CEACAM4: variants seen among roughly 807,000 people sequenced by gnomAD.
CEACAM4 encodes CEA cell adhesion molecule 4.
A neutral mutation model predicts 28.7 loss-of-function variants in CEACAM4; 30 were observed. That is an observed-to-expected ratio of 1.05 (90% CI 0.78 to 1.42). The LOEUF (loss-of-function observed/expected upper bound fraction) is 1.42. CEACAM4 is among the 40% of genes most tolerant of loss of function. The pLI, the probability that CEACAM4 is intolerant of heterozygous loss-of-function variation, is 0.00. For synonymous variants in CEACAM4, 143 were observed against 126.5 expected (o/e 1.13, Z -0.87); for missense variants, 330 against 308.2 (o/e 1.07, Z -0.53).
Position 41,621,661 on chromosome 19 carries a change from T to C in CEACAM4, c.532A>G (p.Arg178Gly), listed in dbSNP as rs782727091. 8.8e-6 allele frequency: 14 copies of C among 1,597,188 alleles called. 1 individual carries two copies. Among genetic ancestry groups the C allele is most frequent in the African/African-American group, 1.3e-5 (1 of 74,586 alleles). Residue 178 changes from arginine to glycine, a missense_variant, in exon 3 of 7, where the codon AGG becomes GGG. Transcript: ENST00000221954. ...AALVCFLLLSRTGRASIQRDL... is the reference protein window; with the variant it reads ...AALVCFLLLSGTGRASIQRDL... ...GAAAAGCTGCGGTACCTTCCAGTCC[T>C]GGAGAGAAGCAGAAAACACACCAGG...
At chr19:41,618,398 C>T (rs1385546910), downstream of CEACAM4, among the ~76,000 whole-genome samples, 2 of 152,226 alleles carry the variant, frequency 1.3e-5, no homozygotes, top group East Asian at 1.9e-4. Flanking sequence ...CTGAATTATG[C>T]GTCTGTATTA....
chr19:41,625,975 C>A lies in CEACAM4; in HGVS notation c.65-15G>T, dbSNP rs782801761. 1 of 1,594,630 alleles carries A rather than the reference C, an allele frequency of 6.3e-7. No homozygotes were observed. Among genetic ancestry groups the A allele is most frequent in the East Asian group, 2.2e-5 (1 of 44,764 alleles). On this transcript the variant is annotated splice_polypyrimidine_tract_variant and intron_variant, in intron 1 of 6. Coordinates refer to ENST00000221954, the MANE Select transcript of CEACAM4 (RefSeq NM_001817.4). ...TAAAAGTGAGGCTAGGAGGTGAAGACAGCATCAGTCAATACTGGGACCTAT... is the reference window on the plus strand; with the variant it reads ...TAAAAGTGAGGCTAGGAGGTGAAGAAAGCATCAGTCAATACTGGGACCTAT...
rs1126454 is a variant in CEACAM4 at position 41,625,940 on chromosome 19, G to C, written c.85C>G (p.His29Asp). 860,402 of 1,609,932 alleles carry C rather than the reference G, an allele frequency of 0.53. 235,223 individuals are homozygous for C. Among genetic ancestry groups the C allele is most frequent in the East Asian group, 0.89 (39,666 of 44,818 alleles). ...GTGAACTGGACAGTGGTGGGCGGGTGCCAGAAGGTTAAAAGTGAGGCTAGG... is the reference window on the plus strand; with the variant it reads ...GTGAACTGGACAGTGGTGGGCGGGTCCCAGAAGGTTAAAAGTGAGGCTAGG... The part of the protein sequence containing the change: ...LITASLLTFW[H>D]PPTTVQFTIE... Residue 29 changes from histidine to aspartate, a missense_variant, in exon 2 of 7, where the codon CAC (histidine) becomes GAC (aspartate). By Grantham distance (81) the His-to-Asp change is moderately conservative (BLOSUM62 -1). Transcript: ENST00000221954.
chr19:41,620,686 G>T, intron 3 of CEACAM4, 59 bp from the exon 4 acceptor site: 2 of 1,406,106 alleles, frequency 1.4e-6, no homozygotes, highest in Non-Finnish European at 2.0e-6. Context: ...TTTAGGGGCA[G>T]AATAAAGGAC....
At chr19:41,619,622 G>C (rs1321181302) in intron 6 of CEACAM4, 48 bp downstream of exon 6, 5 of 1,573,708 alleles carry the variant, frequency 3.2e-6, no homozygotes, top group Non-Finnish European at 2.6e-6. Context: ...GGCAGATCCT[G>C]GGTCCCCTGG....
Position 41,619,074 on chromosome 19 carries a change from C to A in CEACAM4, c.*256G>T, listed in dbSNP as rs1189303579. 3.8e-6 allele frequency: 2 copies of A among 528,704 alleles called. No individual in the cohort carries two copies. The highest frequency in any genetic ancestry group is 1.9e-5 in the African/African-American group (1 of 51,646). 32.8% of individuals were successfully genotyped at this position (528,704 alleles called of 1,614,324 possible). On this transcript the variant is annotated 3_prime_UTR_variant, in exon 7 of 7. Coordinates refer to ENST00000221954, the MANE Select transcript of CEACAM4 (RefSeq NM_001817.4). Reference sequence around the variant, plus strand: ...CTGGTGACCCCGGGTGGGCCACAGGCCCATTCACTTTCCTTGCAAGCCCCC... The same window carrying A: ...CTGGTGACCCCGGGTGGGCCACAGGACCATTCACTTTCCTTGCAAGCCCCC...
intron 2 of CEACAM4, among the ~76,000 whole-genome samples, chr19:41,623,411 C>T (rs1204471984): frequency 7.1e-6 from 1 of 140,250 alleles, no homozygotes; most frequent in Non-Finnish European, 1.5e-5. Flanking sequence ...TTCTGTCTTT[C>T]GAACTGCATT....
intron 2 of CEACAM4, among the ~76,000 whole-genome samples, chr19:41,625,202 C>G (rs1198557577): frequency 6.6e-6 from 1 of 152,212 alleles, no homozygotes; most frequent in Non-Finnish European, 1.5e-5. Context: ...CACACCCCAG[C>G]CCTGACACAG....
At chr19:41,618,184 G>A (rs2071035353), downstream of CEACAM4, among the ~76,000 whole-genome samples, 1 of 152,190 alleles carries the variant, frequency 6.6e-6, no homozygotes, top group Non-Finnish European at 1.5e-5. Flanking sequence ...CTGCAGGCGA[G>A]ATAGGGCTGT....
chr19:41,623,045 C>T (rs1555802323), intron 2 of CEACAM4, among the ~76,000 whole-genome samples: 1 of 152,190 alleles, frequency 6.6e-6, no homozygotes, highest in East Asian at 1.9e-4. Context: ...GAGATGGAAT[C>T]TCGCTCTGTT....
intron 2 of CEACAM4, among the ~76,000 whole-genome samples, chr19:41,624,425 G>A (rs138917207): frequency 1.3e-5 from 2 of 152,310 alleles, no homozygotes; most frequent in South Asian, 2.1e-4. Context: ...CAGAGATGCG[G>A]GGTGTGGACC....
rs111682463 is a variant in CEACAM4 at position 41,627,001 on chromosome 19, T to TG, written c.-39dup. 6.4e-3 allele frequency: 9,906 copies of TG among 1,556,722 alleles called. 466 individuals are homozygous for TG. The African/African-American group carries it at 0.11, about 18-fold the overall frequency. On this transcript the variant is annotated 5_prime_UTR_variant, in exon 1 of 7. Transcript: ENST00000221954. ...CTGCTTGTCCTCTGTGGAGAGGAGC[T>TG]GGGCTCCAGGAACGCTCTTGTCAGA...
chr19:41,622,849 TATATATAG>T lies in CEACAM4; in HGVS notation c.425-1089_425-1082del, dbSNP rs1240809588. On this transcript the variant is annotated intron_variant, in intron 2 of 6. Coordinates refer to ENST00000221954, the MANE Select transcript of CEACAM4 (RefSeq NM_001817.4). ...GTTTGATCTCTAGCATATATATACA[TATATATAG>T]ATAGATAGATAGATAGATAGATAGA... is the stretch of plus-strand genomic sequence containing the variant. Among the ~76,000 whole-genome samples, 870 of 111,276 alleles carry T rather than the reference TATATATAG, an allele frequency of 7.8e-3. 11 individuals carry two copies. Among genetic ancestry groups the T allele is most frequent in the African/African-American group, 0.037 (795 of 21,520 alleles). The allele number at this position is 111,276 out of a possible 152,430, so 73.0% of individuals were successfully genotyped here. A position where few individuals can be genotyped will look rare whatever the true frequency, so the allele number is the denominator to read the frequency against.
At position 41,626,902 on chromosome 19, in the gene CEACAM4, G is replaced by A. The variant is rs1555804435; in HGVS notation, c.62C>T (p.Thr21Ile). The change falls in exon 1 of 7, where the codon ACA becomes ATA. Residue 21 changes from threonine to isoleucine, a missense_variant and splice_region_variant. By Grantham distance (89) the Thr-to-Ile change is moderately conservative (BLOSUM62 -1). Transcript: ENST00000221954. The part of the protein sequence containing the change: ...GHRPWQGLLI[T>I]ASLLTFWHPP... ...CTCCCAGAGAGTCCTCCCCTCACCTGTGATCAGGAGCCCCTGCCAGGGCCT... is the reference window on the plus strand; with the variant it reads ...CTCCCAGAGAGTCCTCCCCTCACCTATGATCAGGAGCCCCTGCCAGGGCCT... 1.2e-6 allele frequency: 2 copies of A among 1,610,782 alleles called. No homozygotes were observed. The highest frequency in any genetic ancestry group is 1.1e-5 in the South Asian group (1 of 90,930).
Position 41,626,971 on chromosome 19 carries a change from G to C in CEACAM4, c.-8C>G. ...GGCTGAGGGGGGGCCCATGGTCTCT[G>C]CTGCCTGCTTGTCCTCTGTGGAGAG... On this transcript the variant is annotated 5_prime_UTR_variant, in exon 1 of 7. Coordinates refer to ENST00000221954, the MANE Select transcript of CEACAM4 (RefSeq NM_001817.4). 1 of 1,600,850 alleles carries C rather than the reference G, an allele frequency of 6.2e-7. No homozygotes were observed. The highest frequency in any genetic ancestry group is 8.5e-7 in the Non-Finnish European group (1 of 1,173,416).
downstream of CEACAM4, among the ~76,000 whole-genome samples, chr19:41,615,586 G>A (rs373100574): frequency 1.3e-5 from 2 of 152,076 alleles, no homozygotes; most frequent in East Asian, 3.8e-4. Context: ...GCAGTTTCAT[G>A]TGCTCAGAGT....
At chr19:41,618,759 G>A (rs1299826666), downstream of CEACAM4, among the ~76,000 whole-genome samples, 4 of 152,198 alleles carry the variant, frequency 2.6e-5, no homozygotes, top group East Asian at 7.7e-4. Context: ...GGCTGGGGCT[G>A]TGCATGGCCT....
At chr19:41,623,216 C>A (rs1907210089) in intron 2 of CEACAM4, among the ~76,000 whole-genome samples, 1 of 152,082 alleles carries the variant, frequency 6.6e-6, no homozygotes, top group Admixed American at 6.5e-5. Flanking sequence ...CGGGGTTTTG[C>A]CATGTTGGCC....
intron 1 of CEACAM4, 39 bp from the exon 2 acceptor site, chr19:41,625,999 A>G: frequency 6.4e-7 from 1 of 1,561,586 alleles, no homozygotes; most frequent in African/African-American, 1.4e-5. Context: ...ACTGGGACCT[A>G]TGGAGTGGGA....
Sources: allele counts gnomAD v4.1 joint callset (sites outside exome capture counted in the v4.1 genomes callset), GRCh38; gene constraint gnomAD v4.1.1; transcripts MANE v1.5; gene names NCBI Gene and HGNC (gene_info 2026-07-23, HGNC 2026-07-21).